Variants in MERTK observed in about 807,000 individuals in gnomAD.
The protein encoded by MERTK is tyrosine-protein kinase Mer.
Under a neutral mutation model 99.3 loss-of-function variants are expected in MERTK, and 69 were observed. The observed-to-expected ratio is 0.70, with a 90% CI of 0.57 to 0.85. The LOEUF (loss-of-function observed/expected upper bound fraction) is 0.85. MERTK is among the 40% of genes least tolerant of loss of function. The probability of loss-of-function intolerance (pLI) is 0.00; values close to 1 mark genes in which losing one functional copy is unlikely to be tolerated. For synonymous variants in MERTK, 426 were observed against 467.6 expected (o/e 0.91, Z 1.15); for missense variants, 1,125 against 1,249.4 (o/e 0.90, Z 1.50).
Position 111,975,337 on chromosome 2 carries a change from A to G in MERTK, c.1009A>G (p.Thr337Ala), listed in dbSNP as rs1373357563. ...LSNGSVMIFN[T>A]SALPHLYQIK... ...TAATGGCTCAGTCATGATTTTTAAC[A>G]CCTCTGCCTTACCACATCTGTACCA... Residue 337 changes from threonine to alanine, a missense_variant, in exon 7 of 19, where the codon ACC (threonine) becomes GCC (alanine). Transcript: ENST00000295408. The G allele has an allele frequency of 6.2e-7, 1 of 1,614,096 alleles. No homozygotes were observed. The highest frequency in any genetic ancestry group is 8.5e-7 in the Non-Finnish European group (1 of 1,180,002).
intron 2 of MERTK, among the ~76,000 whole-genome samples, chr2:111,938,420 C>T (rs1407648824): frequency 1.3e-5 from 2 of 152,160 alleles, no homozygotes; most frequent in African/African-American, 2.4e-5. Flanking sequence ...TGGCATCATA[C>T]AATATTTGTC....
At chr2:111,945,843 G>A (rs1417274832) in intron 3 of MERTK, among the ~76,000 whole-genome samples, 1 of 152,192 alleles carries the variant, frequency 6.6e-6, no homozygotes. Context: ...CTACCCCTGG[G>A]GGCTTCCCTC....
chr2:112,023,508 C>T (rs1485177040), intron 18 of MERTK, among the ~76,000 whole-genome samples: 1 of 152,174 alleles, frequency 6.6e-6, no homozygotes, highest in African/African-American at 2.4e-5. Flanking sequence ...GTGACACACA[C>T]ACAGCACACA....
intron 1 of MERTK, among the ~76,000 whole-genome samples, chr2:111,905,969 G>A (rs1490228847): frequency 6.6e-6 from 1 of 152,190 alleles, no homozygotes; most frequent in Admixed American, 6.5e-5. Context: ...CAAAAGCTAA[G>A]AACATTTATA....
intron 16 of MERTK, 46 bp from the exon 17 acceptor site, chr2:112,021,376 A>G (rs971172001): frequency 1.2e-6 from 2 of 1,610,380 alleles, no homozygotes; most frequent in African/African-American, 2.7e-5. Context: ...CAGTAATTTA[A>G]GGCATTGCCT....
At chr2:111,912,999 A>G in intron 1 of MERTK, 1 of 980,688 alleles carries the variant, frequency 1.0e-6, no homozygotes, top group Non-Finnish European at 1.2e-6. Context: ...TTCCAGTGAT[A>G]CACCCTTCAC....
At chr2:111,977,357 T>G (rs953820137) in intron 7 of MERTK, among the ~76,000 whole-genome samples, 2 of 152,216 alleles carry the variant, frequency 1.3e-5, no homozygotes, top group Admixed American at 6.5e-5. Flanking sequence ...GTTTGTTTGT[T>G]TTTACTTTCA....
intron 2 of MERTK, among the ~76,000 whole-genome samples, chr2:111,944,303 CAAAA>C (rs776451722): frequency 2.9e-5 from 2 of 68,078 alleles, no homozygotes; most frequent in Non-Finnish European, 2.9e-5. Context: ...GAATCTGTCT[CAAAA>C]AAAAAAAAAA....
chr2:111,992,125 TC>T (rs1277837835), intron 8 of MERTK, among the ~76,000 whole-genome samples: 2 of 151,978 alleles, frequency 1.3e-5, no homozygotes, highest in Admixed American at 6.6e-5. Context: ...TCGGAAGGAG[TC>T]CTGTTTCCAT....
intron 2 of MERTK, among the ~76,000 whole-genome samples, chr2:111,943,580 C>T (rs571260576): frequency 9.9e-5 from 15 of 152,226 alleles, no homozygotes; most frequent in South Asian, 6.2e-4. Flanking sequence ...ATGTAAACAC[C>T]GGGCATGTCC....
At chr2:111,987,871 G>A (rs1476620654) in intron 8 of MERTK, among the ~76,000 whole-genome samples, 3 of 152,024 alleles carry the variant, frequency 2.0e-5, no homozygotes, top group South Asian at 4.1e-4. Context: ...TATGGAGTTC[G>A]TTGCTTTGGG....
chr2:111,957,877 C>T (rs940343570), intron 4 of MERTK, among the ~76,000 whole-genome samples: 11 of 152,124 alleles, frequency 7.2e-5, no homozygotes, highest in African/African-American at 2.4e-4. Flanking sequence ...AGTTAATTTG[C>T]GGGATTGCTT....
At chr2:111,988,423 T>G (rs1676538799) in intron 8 of MERTK, among the ~76,000 whole-genome samples, 1 of 152,154 alleles carries the variant, frequency 6.6e-6, no homozygotes, top group Non-Finnish European at 1.5e-5. Flanking sequence ...CAAATAAGCT[T>G]CTTGGTTTGG....
At chr2:112,009,035 A>G (rs999961414) in intron 14 of MERTK, among the ~76,000 whole-genome samples, 1 of 152,194 alleles carries the variant, frequency 6.6e-6, no homozygotes, top group African/African-American at 2.4e-5. Flanking sequence ...TTAAGTATGG[A>G]GTGGATGCTG....
At chr2:111,918,165 T>C (rs947804952) in intron 1 of MERTK, among the ~76,000 whole-genome samples, 2 of 152,154 alleles carry the variant, frequency 1.3e-5, no homozygotes, top group African/African-American at 4.8e-5. Flanking sequence ...TAATATCTAG[T>C]GTTCTGGGGT....
At chr2:111,964,368 CGTGTGTGTGT>C (rs200168355) in intron 4 of MERTK, among the ~76,000 whole-genome samples, 2,119 of 141,268 alleles carry the variant, frequency 0.015, 30 homozygotes, top group East Asian at 0.029. Context: ...ATCATTGTCT[CGTGTGTGTGT>C]GTGTGTGTGT....
intron 1 of MERTK, among the ~76,000 whole-genome samples, chr2:111,919,029 G>A (rs1467870666): frequency 6.6e-6 from 1 of 152,206 alleles, no homozygotes; most frequent in Non-Finnish European, 1.5e-5. Flanking sequence ...TTTACAGAAA[G>A]AGGAGAGTGA....
At position 111,898,711 on chromosome 2, in the gene MERTK, GAA is replaced by G; in HGVS notation, c.-23_-22del. 1 of 1,603,866 alleles carries G rather than the reference GAA, an allele frequency of 6.2e-7. No individual in the cohort carries two copies. Among genetic ancestry groups the G allele is most frequent in the Non-Finnish European group, 8.5e-7 (1 of 1,175,794 alleles). ...GTCCATCTGTCCATCCGTCCGGAGAGAAATTACAGATCCGCAGCCCCGGGATG... is the reference window on the plus strand; with the variant it reads ...GTCCATCTGTCCATCCGTCCGGAGAGATTACAGATCCGCAGCCCCGGGATG... On this transcript the variant is annotated 5_prime_UTR_variant, in exon 1 of 19. Coordinates refer to ENST00000295408, the MANE Select transcript of MERTK (RefSeq NM_006343.3).
intron 7 of MERTK, among the ~76,000 whole-genome samples, 199 bp from the exon 8 acceptor site, chr2:111,982,643 A>G (rs1230955811): frequency 2.6e-5 from 4 of 152,222 alleles, no homozygotes; most frequent in African/African-American, 9.7e-5. Context: ...TCAGTAACCT[A>G]AAAGGGCTCA....
Sources: allele counts gnomAD v4.1 joint callset (sites outside exome capture counted in the v4.1 genomes callset), GRCh38; gene constraint gnomAD v4.1.1; transcripts MANE v1.5; gene names NCBI Gene and HGNC (gene_info 2026-07-23, HGNC 2026-07-21).